ROBO2: variants seen among roughly 807,000 people sequenced by gnomAD.
ROBO2 encodes the protein roundabout guidance receptor 2.
In ROBO2, 53 loss-of-function variants were observed where a neutral mutation model predicts 160.8. The ratio of observed to expected loss-of-function variants is 0.33; its 90% CI spans 0.26 to 0.41. The LOEUF is 0.41. ROBO2 is among the 10% of genes least tolerant of loss of function. The pLI, the probability that ROBO2 is intolerant of heterozygous loss-of-function variation, is 1.00. For missense variants in ROBO2, 1,577 were observed against 1,722.4 expected, an observed-to-expected ratio of 0.92 and a Z score of 1.49; for synonymous variants, 664 against 611.7, an observed-to-expected ratio of 1.09 and a Z score of -1.26.
intron 2 of ROBO2, among the ~76,000 whole-genome samples, chr3:77,433,986 C>T (rs1019341562): frequency 1.3e-5 from 2 of 152,094 alleles, no homozygotes; most frequent in Non-Finnish European, 2.9e-5. Flanking sequence ...ATTTCTCCCT[C>T]GGAGTAGGAA....
chr3:76,500,013 T>A (rs760619255), intron 2 of ROBO2, among the ~76,000 whole-genome samples: 68 of 152,222 alleles, frequency 4.5e-4, no homozygotes, highest in Non-Finnish European at 1.8e-4. Context: ...ACTCAGAATT[T>A]GTTTTTTCAT....
intron 6 of ROBO2, among the ~76,000 whole-genome samples, chr3:77,537,190 CT>C (rs1430853188): frequency 6.6e-6 from 1 of 151,822 alleles, no homozygotes; most frequent in Non-Finnish European, 1.5e-5. Flanking sequence ...TCAGAAGCCA[CT>C]TCTGTTATTT....
At chr3:76,481,086 T>A (rs1047906977) in intron 2 of ROBO2, among the ~76,000 whole-genome samples, 1 of 152,168 alleles carries the variant, frequency 6.6e-6, no homozygotes, top group East Asian at 1.9e-4. Context: ...TGATAGGAGA[T>A]ATGAGCAAGG....
In ROBO2 at chr3:76,625,307, G is replaced by A. The variant is rs147435777; in HGVS notation, c.110-472707G>A. Among the ~76,000 whole-genome samples the A allele has an allele frequency of 6.3e-3, 962 of 152,080 alleles. 6 individuals are homozygous for A. Among genetic ancestry groups the A allele is most frequent in the African/African-American group, 0.022 (893 of 41,458 alleles). On this transcript the variant is annotated intron_variant, in intron 2 of 26. Coordinates refer to the ROBO2 transcript ENST00000487694. ...GTTTATATTAGCTTCTTTTTAAGAAGCCTGTATTGTAAAACATATAACTAA... is the reference window on the plus strand; with the variant it reads ...GTTTATATTAGCTTCTTTTTAAGAAACCTGTATTGTAAAACATATAACTAA...
At chr3:75,948,001 G>T (rs1948384300) in intron 2 of ROBO2, among the ~76,000 whole-genome samples, 1 of 152,042 alleles carries the variant, frequency 6.6e-6, no homozygotes, top group South Asian at 2.1e-4. Flanking sequence ...AAAAAATCTG[G>T]CTGTATGTGC....
At position 76,578,376 on chromosome 3, in the gene ROBO2, TTCCC is replaced by T. The variant is rs2085446202; in HGVS notation, c.110-519637_110-519634del. On this transcript the variant is annotated intron_variant, in intron 2 of 26. Transcript: ENST00000487694. Reference sequence around the variant, plus strand: ...TCTCTACTCATTTTCTCAGTCGAGCTTCCCAATAAAATTGTCTACACAGGCTGGC... The same window carrying T: ...TCTCTACTCATTTTCTCAGTCGAGCTAATAAAATTGTCTACACAGGCTGGC... Among the ~76,000 whole-genome samples the T allele has an allele frequency of 2.0e-5, 3 of 152,130 alleles. 1 individual carries two copies. Among genetic ancestry groups the T allele is most frequent in the Non-Finnish European group, 4.4e-5 (3 of 68,014 alleles).
chr3:76,028,801 T>G (rs1331531443), intron 2 of ROBO2, among the ~76,000 whole-genome samples: 1 of 151,912 alleles, frequency 6.6e-6, no homozygotes, highest in African/African-American at 2.4e-5. Flanking sequence ...TAAATTTGCA[T>G]TGAAAAATGC....
chr3:76,549,351 C>T (rs1032001208), intron 2 of ROBO2, among the ~76,000 whole-genome samples: 3 of 152,060 alleles, frequency 2.0e-5, no homozygotes, highest in African/African-American at 4.8e-5. Context: ...GAGCAGACCA[C>T]AGTGGCTGTG....
intron 2 of ROBO2, among the ~76,000 whole-genome samples, chr3:76,254,305 G>C (rs1361456849): frequency 6.6e-6 from 1 of 152,088 alleles, no homozygotes; most frequent in Non-Finnish European, 1.5e-5. Context: ...CACATCCATA[G>C]ATAAGACTAT....
chr3:77,283,674 C>T (rs892296819), intron 2 of ROBO2, among the ~76,000 whole-genome samples: 2 of 151,952 alleles, frequency 1.3e-5, no homozygotes, highest in Non-Finnish European at 2.9e-5. Context: ...TAGCTTTTTC[C>T]CAGTATAAGT....
intron 2 of ROBO2, among the ~76,000 whole-genome samples, chr3:76,987,952 T>C (rs2060474263): frequency 6.6e-6 from 1 of 152,196 alleles, no homozygotes; most frequent in African/African-American, 2.4e-5. Flanking sequence ...TAAAATAATC[T>C]ATAAAGATCA....
At chr3:76,260,326 C>A (rs1706664465) in intron 2 of ROBO2, among the ~76,000 whole-genome samples, 1 of 151,776 alleles carries the variant, frequency 6.6e-6, no homozygotes, top group Admixed American at 6.6e-5. Flanking sequence ...AGGTAATGAC[C>A]ATGGAAGTAG....
intron 2 of ROBO2, among the ~76,000 whole-genome samples, chr3:76,982,675 G>A (rs575185070): frequency 2.3e-4 from 35 of 152,078 alleles, no homozygotes; most frequent in Admixed American, 2.0e-3. Context: ...TATGGGGCAC[G>A]GTTGTATCTT....
chr3:76,643,232 A>G (rs538105863), intron 2 of ROBO2, among the ~76,000 whole-genome samples: 52 of 152,316 alleles, frequency 3.4e-4, no homozygotes, highest in African/African-American at 1.3e-3. Context: ...CAATGTATGT[A>G]ATTATAAGGT....
intron 2 of ROBO2, among the ~76,000 whole-genome samples, chr3:76,079,510 G>A (rs1231662286): frequency 7.1e-6 from 1 of 140,724 alleles, no homozygotes; most frequent in African/African-American, 2.7e-5. Flanking sequence ...TGGAGACAGA[G>A]TCTCGCTCTG....
intron 2 of ROBO2, among the ~76,000 whole-genome samples, chr3:76,076,876 G>A (rs974175141): frequency 5.9e-5 from 9 of 152,150 alleles, no homozygotes; most frequent in African/African-American, 1.9e-4. Flanking sequence ...TTTAACTGTT[G>A]TACTGTCGAA....
chr3:77,319,842 A>G (rs2064483343), intron 2 of ROBO2, among the ~76,000 whole-genome samples: 1 of 152,144 alleles, frequency 6.6e-6, no homozygotes, highest in African/African-American at 2.4e-5. Flanking sequence ...CTCTGTTGAG[A>G]AAGTTGCTTA....
At chr3:76,249,452 C>G (rs922107787) in intron 2 of ROBO2, among the ~76,000 whole-genome samples, 1 of 140,434 alleles carries the variant, frequency 7.1e-6, no homozygotes, top group African/African-American at 3.1e-5. Context: ...ACTATTTACC[C>G]AGGTGAGCCA....
intron 2 of ROBO2, among the ~76,000 whole-genome samples, chr3:76,455,612 C>T (rs1020129651): frequency 6.6e-6 from 1 of 152,086 alleles, no homozygotes; most frequent in African/African-American, 2.4e-5. Context: ...TATCTTTCCT[C>T]TACAGTAATC....
Sources: allele counts gnomAD v4.1 joint callset (sites outside exome capture counted in the v4.1 genomes callset), GRCh38; gene constraint gnomAD v4.1.1; transcripts MANE v1.5; gene names NCBI Gene and HGNC (gene_info 2026-07-23, HGNC 2026-07-21).